The following MTUS2 variants were observed in gnomAD, a reference collection of about 807,000 sequenced individuals.
The protein encoded by MTUS2 is microtubule associated scaffold protein 2.
In MTUS2, 40 loss-of-function variants were observed where a neutral mutation model predicts 114.1. The ratio of observed to expected loss-of-function variants is 0.35; its 90% CI spans 0.27 to 0.46. The LOEUF is 0.46. MTUS2 is among the 20% of genes least tolerant of loss of function. The pLI, the probability that MTUS2 is intolerant of heterozygous loss-of-function variation, is 1.00. For synonymous variants in MTUS2, 688 were observed against 672.0 expected, an observed-to-expected ratio of 1.02 and a Z score of -0.37; for missense variants, 1,679 against 1,705.4, an observed-to-expected ratio of 0.98 and a Z score of 0.27.
At chr13:29,388,719 A>G (rs1414554071) in intron 8 of MTUS2, among the ~76,000 whole-genome samples, 12 of 152,136 alleles carry the variant, frequency 7.9e-5, no homozygotes, top group Admixed American at 7.9e-4. Context: ...AAGCCAACTT[A>G]CAAAGCAGGC....
intron 9 of MTUS2, among the ~76,000 whole-genome samples, chr13:29,469,188 C>T (rs1004939801): frequency 5.3e-5 from 8 of 152,164 alleles, no homozygotes; most frequent in Non-Finnish European, 8.8e-5. Context: ...GCTCCTGCCC[C>T]GCCTCTCCTG....
chr13:29,204,699 G>T (rs559940966), intron 5 of MTUS2, among the ~76,000 whole-genome samples: 4 of 152,224 alleles, frequency 2.6e-5, no homozygotes, highest in African/African-American at 4.8e-5. Flanking sequence ...TCAGGTAGCC[G>T]CCCATGACAG....
At chr13:29,387,083 G>T (rs766924666) in intron 8 of MTUS2, among the ~76,000 whole-genome samples, 7 of 152,196 alleles carry the variant, frequency 4.6e-5, no homozygotes, top group African/African-American at 1.7e-4. Flanking sequence ...ATTGAATTGG[G>T]GGGCAGGGTA....
chr13:29,001,630 G>A (rs1566283222), intron 2 of MTUS2, among the ~76,000 whole-genome samples: 1 of 152,178 alleles, frequency 6.6e-6, no homozygotes, highest in Non-Finnish European at 1.5e-5. Context: ...CAACATCTGT[G>A]CTGATGTGGC....
intron 6 of MTUS2, among the ~76,000 whole-genome samples, chr13:29,312,071 G>A (rs1329369972): frequency 1.3e-5 from 2 of 152,126 alleles, no homozygotes; most frequent in African/African-American, 4.8e-5. Context: ...CCACTGCTCT[G>A]CAGCGCCCTT....
intron 4 of MTUS2, among the ~76,000 whole-genome samples, chr13:29,077,579 C>T (rs1308615268): frequency 1.3e-5 from 2 of 152,214 alleles, no homozygotes; most frequent in East Asian, 3.9e-4. Context: ...ACCTCTATTC[C>T]GGTCCTGTTA....
At chr13:29,478,715 C>A (rs963731018) in intron 9 of MTUS2, among the ~76,000 whole-genome samples, 1 of 152,130 alleles carries the variant, frequency 6.6e-6, no homozygotes, top group Non-Finnish European at 1.5e-5. Flanking sequence ...ACAGCTCCAA[C>A]CACTCTGCCC....
At chr13:28,968,432 A>G (rs1883700691) in intron 2 of MTUS2, among the ~76,000 whole-genome samples, 1 of 152,234 alleles carries the variant, frequency 6.6e-6, no homozygotes, top group Admixed American at 6.5e-5. Flanking sequence ...ATCAGTGAAT[A>G]TCAGAAAAAT....
At chr13:29,361,166 A>T (rs1870217394) in intron 8 of MTUS2, among the ~76,000 whole-genome samples, 1 of 152,160 alleles carries the variant, frequency 6.6e-6, no homozygotes, top group Non-Finnish European at 1.5e-5. Context: ...TCTCTGTAGC[A>T]TGCATGTGGC....
At chr13:29,128,101 C>G (rs1007778886) in intron 5 of MTUS2, among the ~76,000 whole-genome samples, 4 of 152,092 alleles carry the variant, frequency 2.6e-5, no homozygotes, top group African/African-American at 7.2e-5. Flanking sequence ...GAAGAAGAGA[C>G]AAATTTGAAG....
At chr13:29,475,161 G>A (rs535028991) in intron 9 of MTUS2, among the ~76,000 whole-genome samples, 1 of 152,140 alleles carries the variant, frequency 6.6e-6, no homozygotes, top group Admixed American at 6.6e-5. Context: ...GTACAAAGGT[G>A]GTCCCACAAG....
intron 8 of MTUS2, among the ~76,000 whole-genome samples, chr13:29,434,092 A>G (rs4238122): frequency 0.79 from 120,656 of 151,850 alleles, 48,321 homozygotes; most frequent in Middle Eastern, 0.86. Context: ...GCTTACGTGT[A>G]TATTTTTAAA....
intron 2 of MTUS2, among the ~76,000 whole-genome samples, chr13:28,997,792 G>T (rs558623320): frequency 6.6e-6 from 1 of 151,952 alleles, no homozygotes; most frequent in African/African-American, 2.4e-5. Context: ...GTCTCTGCAC[G>T]TGAGATGGGT....
rs549975955 is a variant in MTUS2 at position 29,272,991 on chromosome 13, A to G, written c.2645-8713A>G. Among the ~76,000 whole-genome samples, 3 of 152,286 alleles carry G rather than the reference A, an allele frequency of 2.0e-5. No homozygotes were observed. The South Asian group carries it at 6.2e-4, about 32-fold the overall frequency. ...CAGAAGGAATGTGGAAACAGGGAGGAAGGTCCAGGTGCCAAAGGCAATATG... is the reference window on the plus strand; with the variant it reads ...CAGAAGGAATGTGGAAACAGGGAGGGAGGTCCAGGTGCCAAAGGCAATATG... On this transcript the variant is annotated intron_variant, in intron 5 of 15. Transcript: ENST00000612955.
intron 5 of MTUS2, among the ~76,000 whole-genome samples, chr13:29,153,045 T>TA (rs1334653105): frequency 6.6e-6 from 1 of 152,186 alleles, no homozygotes; most frequent in Non-Finnish European, 1.5e-5. Flanking sequence ...AGAAATACCC[T>TA]AACCCCTCTG....
chr13:29,503,023 G>A lies in MTUS2; in HGVS notation c.3927G>A (p.Gln1309=), dbSNP rs757282531. 2 of 1,614,182 alleles carry A rather than the reference G, an allele frequency of 1.2e-6. No individual in the cohort carries two copies. The highest frequency in any genetic ancestry group is 1.1e-5 in the South Asian group (1 of 91,082). ...TGTCGGAGGAAAATGCTAACCTCCA[G>A]GAATATGTTGAGAAGGAAACCCAGG... ...RQLSEENANL[Q]EYVEKETQEK... The change falls in exon 16 of 16, where the codon CAG becomes CAA. Residue 1309 remains glutamine (Q), a synonymous_variant. Transcript: ENST00000612955.
intron 5 of MTUS2, among the ~76,000 whole-genome samples, chr13:29,139,039 CTT>C (rs569683749): frequency 1.4e-5 from 2 of 141,910 alleles, no homozygotes; most frequent in African/African-American, 2.6e-5. Flanking sequence ...TTCCTCCTGT[CTT>C]TTTTTTTTTT....
At chr13:29,381,850 TC>T (rs11301455) in intron 8 of MTUS2, among the ~76,000 whole-genome samples, 23,584 of 152,094 alleles carry the variant, frequency 0.16, 2,609 homozygotes, top group African/African-American at 0.32. Context: ...CCTATTTTGA[TC>T]ACCTCATGAG....
chr13:29,400,775 CA>C (rs1324036488), intron 8 of MTUS2, among the ~76,000 whole-genome samples: 1 of 152,218 alleles, frequency 6.6e-6, no homozygotes, highest in Non-Finnish European at 1.5e-5. Context: ...TATAGGTATA[CA>C]TTTTTCCCCT....
Sources: gnomAD v4.1 joint callset for allele counts (sites outside exome capture counted in the v4.1 genomes callset) on GRCh38, gnomAD v4.1.1 for gene constraint, MANE v1.5 for transcripts, NCBI Gene and HGNC (gene_info 2026-07-23, HGNC 2026-07-21) for gene names.